The following ASIC2 variants were observed in gnomAD, a reference collection of about 807,000 sequenced individuals.
ASIC2 encodes the protein acid-sensing ion channel 2.
Under a neutral mutation model 57.3 loss-of-function variants are expected in ASIC2, and 25 were observed. That is an observed-to-expected ratio of 0.44 (90% CI 0.32 to 0.61). The LOEUF (loss-of-function observed/expected upper bound fraction) is 0.61. ASIC2 is among the 20% of genes least tolerant of loss of function. The pLI, the probability that ASIC2 is intolerant of heterozygous loss-of-function variation, is 0.06. For synonymous variants in ASIC2, 319 were observed against 307.5 expected (o/e 1.04, Z -0.39); for missense variants, 641 against 738.1 (o/e 0.87, Z 1.52).
chr17:33,579,041 T>A (rs2141997431), intron 1 of ASIC2, among the ~76,000 whole-genome samples: 1 of 152,152 alleles, frequency 6.6e-6, no homozygotes. Context: ...ATCCCAGCAC[T>A]TTGGGAGGTC....
Position 34,019,175 on chromosome 17 carries a change from G to A in ASIC2, c.555+136803C>T, listed in dbSNP as rs1014447642. Among the ~76,000 whole-genome samples the A allele has an allele frequency of 4.6e-5, 7 of 152,048 alleles. No individual in the cohort carries two copies. The South Asian group carries it at 8.3e-4, about 18-fold the overall frequency. On this transcript the variant is annotated intron_variant, in intron 1 of 9. Transcript: ENST00000359872. ...CGCCCTCCTTGGCCTCTCAAAGTGCGGGATTACAGGCTTGAGCCACCACGC... is the reference window on the plus strand; with the variant it reads ...CGCCCTCCTTGGCCTCTCAAAGTGCAGGATTACAGGCTTGAGCCACCACGC...
At chr17:33,822,846 A>C (rs951837631) in intron 1 of ASIC2, among the ~76,000 whole-genome samples, 1 of 152,214 alleles carries the variant, frequency 6.6e-6, no homozygotes. Context: ...CGTTATCTAC[A>C]ATTTTAGGGC....
chr17:33,390,709 C>T (rs1348838874), intron 1 of ASIC2, among the ~76,000 whole-genome samples: 1 of 152,212 alleles, frequency 6.6e-6, no homozygotes, highest in Non-Finnish European at 1.5e-5. Context: ...CTCCACAGGG[C>T]AGCTCATAAA....
intron 1 of ASIC2, among the ~76,000 whole-genome samples, chr17:33,261,818 A>G (rs113699424): frequency 5.2e-3 from 32 of 6,200 alleles, no homozygotes; most frequent in African/African-American, 0.024. Context: ...AGTCACGACG[A>G]GGTGAACGTG....
At chr17:33,963,275 G>C (rs1904981536) in intron 1 of ASIC2, among the ~76,000 whole-genome samples, 1 of 152,156 alleles carries the variant, frequency 6.6e-6, no homozygotes. Flanking sequence ...TTGCATCGCT[G>C]TTTTCTGGGT....
intron 1 of ASIC2, among the ~76,000 whole-genome samples, chr17:33,704,471 C>G (rs1168101696): frequency 6.6e-6 from 1 of 152,214 alleles, no homozygotes; most frequent in Non-Finnish European, 1.5e-5. Flanking sequence ...CAGTAGCCCA[C>G]CCTGAATTCT....
intron 1 of ASIC2, among the ~76,000 whole-genome samples, chr17:33,681,944 T>C (rs538768796): frequency 6.6e-6 from 1 of 152,286 alleles, no homozygotes; most frequent in Non-Finnish European, 1.5e-5. Flanking sequence ...CTGTATTAAC[T>C]TTCTGCCCCT....
intron 1 of ASIC2, among the ~76,000 whole-genome samples, chr17:33,774,937 A>T (rs147060680): frequency 5.3e-4 from 80 of 152,350 alleles, no homozygotes; most frequent in South Asian, 1.2e-3. Flanking sequence ...AGGGATCCTT[A>T]ACAGGTATTT....
rs144041102 is a variant in ASIC2, at chr17:34,099,663, G to GGAAAGAAA, written c.555+56307_555+56314dup. Among the ~76,000 whole-genome samples, 20 of 110,176 alleles carry GGAAAGAAA rather than the reference G, an allele frequency of 1.8e-4. 1 individual carries two copies. The highest frequency in any genetic ancestry group is 7.4e-4 in the African/African-American group (20 of 27,004). 72.3% of individuals were successfully genotyped at this position (110,176 alleles called of 152,430 possible). On this transcript the variant is annotated intron_variant, in intron 1 of 9. Coordinates refer to the ASIC2 transcript ENST00000359872. ...GAAAGAAAAGAGAGGAAGGAAGGAA[G>GGAAAGAAA]GAAAGAAAGAAAGAAAGAAAAGAAA...
At chr17:34,094,523 G>A (rs1910450285) in intron 1 of ASIC2, among the ~76,000 whole-genome samples, 1 of 152,204 alleles carries the variant, frequency 6.6e-6, no homozygotes, top group Non-Finnish European at 1.5e-5. Context: ...GATGATACAT[G>A]GGAAACCAAG....
intron 1 of ASIC2, among the ~76,000 whole-genome samples, chr17:33,463,374 C>T (rs1912706056): frequency 6.6e-6 from 1 of 152,256 alleles, no homozygotes; most frequent in Non-Finnish European, 1.5e-5. Flanking sequence ...GATTCTCCTT[C>T]TCCTTCTTCT....
intron 1 of ASIC2, among the ~76,000 whole-genome samples, chr17:33,694,745 C>A (rs1171479614): frequency 1.3e-5 from 2 of 152,188 alleles, no homozygotes; most frequent in Admixed American, 1.3e-4. Flanking sequence ...AGGACTCTAA[C>A]TGGGACCTGG....
chr17:33,192,430 A>G (rs370326099), intron 1 of ASIC2, among the ~76,000 whole-genome samples: 4 of 143,808 alleles, frequency 2.8e-5, no homozygotes, highest in East Asian at 2.0e-4. Context: ...AAAACAAAAC[A>G]AAACAAAACA....
intron 1 of ASIC2, among the ~76,000 whole-genome samples, chr17:34,144,382 G>C (rs566945117): frequency 5.3e-5 from 8 of 152,272 alleles, no homozygotes; most frequent in South Asian, 4.1e-4. Context: ...TGGGTCCCTG[G>C]CTTGATCACA....
rs1214455795 is a variant in ASIC2 at position 33,870,164 on chromosome 17, C to A, written c.555+285814G>T. 2.0e-5 allele frequency among the ~76,000 whole-genome samples: 3 copies of A among 146,722 alleles called. No homozygotes were observed. In the East Asian group the frequency reaches 6.3e-4, roughly 31 times the overall value. On this transcript the variant is annotated intron_variant, in intron 1 of 9. Coordinates refer to the ASIC2 transcript ENST00000359872. ...TAATAGATGCTTCAGATAAAAAATT[C>A]AGCCGAGAGAGGAATGGACCAAGTC... is the stretch of plus-strand genomic sequence containing the variant.
At chr17:34,044,290 C>A (rs544936575) in intron 1 of ASIC2, among the ~76,000 whole-genome samples, 59 of 152,274 alleles carry the variant, frequency 3.9e-4, no homozygotes, top group Middle Eastern at 3.4e-3. Flanking sequence ...CCAGAGAATG[C>A]AGGCTTCCAG....
intron 1 of ASIC2, among the ~76,000 whole-genome samples, chr17:33,345,711 C>T (rs531919582): frequency 6.6e-6 from 1 of 152,270 alleles, no homozygotes; most frequent in South Asian, 2.1e-4. Flanking sequence ...AGGGCATTAT[C>T]ATTCCTGGGG....
rs1192957724 is a variant in ASIC2 at position 34,085,080 on chromosome 17, A to G, written c.555+70898T>C. Among the ~76,000 whole-genome samples the G allele has an allele frequency of 7.2e-5, 11 of 152,224 alleles. No individual in the cohort carries two copies. In the East Asian group the frequency reaches 1.9e-3, roughly 27 times the overall value. ...GCCAGAACTTCCAACACTATGTTGG[A>G]TAGGAGTGGTGAGAGAGGGCATCCC... On this transcript the variant is annotated intron_variant, in intron 1 of 9. Coordinates refer to the ASIC2 transcript ENST00000359872.
At chr17:34,067,211 T>A (rs8069351) in intron 1 of ASIC2, among the ~76,000 whole-genome samples, 1 of 152,102 alleles carries the variant, frequency 6.6e-6, no homozygotes, top group South Asian at 2.1e-4. Context: ...ATACTAGGGC[T>A]GACATTGCTT....
Sources: gnomAD v4.1 joint callset for allele counts (sites outside exome capture counted in the v4.1 genomes callset) on GRCh38, gnomAD v4.1.1 for gene constraint, MANE v1.5 for transcripts, NCBI Gene and HGNC (gene_info 2026-07-23, HGNC 2026-07-21) for gene names.